The following HAS3 variants were observed in gnomAD, a reference collection of about 807,000 sequenced individuals.
HAS3 encodes HA synthase 3.
Under a neutral mutation model 50.3 loss-of-function variants are expected in HAS3, and 27 were observed. The ratio of observed to expected loss-of-function variants is 0.54; its 90% confidence interval spans 0.40 to 0.74. The LOEUF (loss-of-function observed/expected upper bound fraction) is 0.74, where lower values mean the gene tolerates loss of function less well. Among genes scored for constraint, HAS3 ranks in the 30% least tolerant of loss-of-function variants. The probability of loss-of-function intolerance (pLI) is 0.00; values close to 1 mark genes in which losing one functional copy is unlikely to be tolerated. For synonymous variants in HAS3, 339 were observed against 310.9 expected, an observed-to-expected ratio of 1.09 and a Z score of -0.95; for missense variants, 517 against 742.8, an observed-to-expected ratio of 0.70 and a Z score of 3.53.
the HAS3 span, among the ~76,000 whole-genome samples, chr16:69,089,772 G>A: frequency 6.6e-6 from 1 of 152,148 alleles, no homozygotes; most frequent in African/African-American, 2.4e-5. Flanking sequence ...ATCCCCTGTT[G>A]TCCTCCCCAG....
At position 69,115,121 on chromosome 16, in the gene HAS3, G is replaced by A. The variant is rs781556727; in HGVS notation, c.1517G>A (p.Ser506Asn). The change falls in exon 4 of 4, where the codon AGT (serine) becomes AAT (asparagine). Residue 506 changes from serine to asparagine, a missense_variant. Transcript: ENST00000569188. ...ACAGCTTATTGCCAGGACCTGTTCA[G>A]TGAGACAGAGCTAGCCTTCCTTGTC... ...AYTAYCQDLF[S>N]ETELAFLVSG... 5.6e-6 allele frequency: 9 copies of A among 1,611,404 alleles called. No homozygotes were observed. The highest frequency in any genetic ancestry group is 1.7e-5 in the Admixed American group (1 of 59,848).
chr16:69,087,207 C>T, the HAS3 span, among the ~76,000 whole-genome samples: 1 of 152,176 alleles, frequency 6.6e-6, no homozygotes, highest in Non-Finnish European at 1.5e-5. Context: ...TTTTCCCCTT[C>T]TAGGCTCTTC....
chr16:69,118,519 T>C, downstream of HAS3: 1 of 1,011,838 alleles, frequency 9.9e-7, no homozygotes, highest in Non-Finnish European at 1.6e-6. Context: ...TGCAGGCCAA[T>C]GTATCCCTGA....
the HAS3 span, among the ~76,000 whole-genome samples, chr16:69,094,980 C>CTTTTT: frequency 1.6e-5 from 2 of 124,932 alleles, no homozygotes; most frequent in African/African-American, 6.2e-5. Context: ...CCATTGTTAA[C>CTTTTT]TTTTTTTTTT....
At chr16:69,111,456 G>T (rs1358342844) in intron 2 of HAS3, among the ~76,000 whole-genome samples, 1 of 152,202 alleles carries the variant, frequency 6.6e-6, no homozygotes, top group Non-Finnish European at 1.5e-5. Flanking sequence ...GCAGGGTGCT[G>T]CCCATCACTT....
chr16:69,109,596 C>A lies in HAS3; in HGVS notation c.201C>A (p.His67Gln), dbSNP rs562196448. The A allele has an allele frequency of 6.2e-7, 1 of 1,612,868 alleles. No homozygotes were observed. The highest frequency in any genetic ancestry group is 8.5e-7 in the Non-Finnish European group (1 of 1,179,946). ...LIQSLFAFLE[H>Q]RRMRRAGQAL... ...AGAGCCTTTTTGCCTTCCTGGAGCA[C>A]CGGCGCATGCGACGTGCCGGCCAGG... Residue 67 changes from histidine to glutamine, a missense_variant, in exon 2 of 4, where the codon CAC becomes CAA. Coordinates refer to ENST00000569188, the MANE Select transcript of HAS3 (RefSeq NM_001199280.2). This position sits in a 1 kb window ranked among gnomAD's most constrained non-coding sequence, Gnocchi z 5.3.
At chr16:69,108,827 C>A (rs989612436) in intron 1 of HAS3, among the ~76,000 whole-genome samples, 2 of 152,144 alleles carry the variant, frequency 1.3e-5, no homozygotes, top group Admixed American at 6.6e-5. Context: ...TTCCCAATGC[C>A]CCTTTGTTTG....
At chr16:69,110,173 C>T in intron 2 of HAS3, 142 bp downstream of exon 2, 7 of 835,588 alleles carry the variant, frequency 8.4e-6, no homozygotes, top group East Asian at 5.4e-5. Flanking sequence ...ACAAGGTGGC[C>T]GGGCGCGGTG....
At position 69,117,325 on chromosome 16, in the gene HAS3, A is replaced by G. The variant is rs1961227495; in HGVS notation, c.*2059A>G. 1 of 985,848 alleles carries G rather than the reference A, an allele frequency of 1.0e-6. No individual in the cohort carries two copies. Among genetic ancestry groups the G allele is most frequent in the Non-Finnish European group, 1.2e-6 (1 of 829,930 alleles). The allele number at this position is 985,848 out of a possible 1,614,324, so 61.1% of individuals were successfully genotyped here. A position where few individuals can be genotyped will look rare whatever the true frequency, so the allele number is the denominator to read the frequency against. ...AGCTCTGCCTTGCACTGTGGTCGTC[A>G]ACTTTCCTCAAATCAAAAACAGGCA... On this transcript the variant is annotated 3_prime_UTR_variant, in exon 4 of 4. Transcript: ENST00000569188.
chr16:69,089,687 A>G, the HAS3 span, among the ~76,000 whole-genome samples: 1 of 152,106 alleles, frequency 6.6e-6, no homozygotes, highest in Non-Finnish European at 1.5e-5. Flanking sequence ...CGCCCTCTGC[A>G]CAGGCTGGCA....
the HAS3 span, among the ~76,000 whole-genome samples, chr16:69,098,413 A>AT: frequency 0.026 from 3,795 of 146,224 alleles, 150 homozygotes; most frequent in African/African-American, 0.086. Flanking sequence ...ATTTATCTTC[A>AT]TTTTTTTTTT....
In HAS3 at chr16:69,116,101, AAAG is replaced by A. The variant is rs1480693234; in HGVS notation, c.*839_*841del. Reference sequence around the variant, plus strand: ...AAGATTAAGCCCCAACATGTTCAGAAAAGAAGTGAAGTCTTGGGTATTTTAACC... The same window carrying A: ...AAGATTAAGCCCCAACATGTTCAGAAAAGTGAAGTCTTGGGTATTTTAACC... On this transcript the variant is annotated 3_prime_UTR_variant, in exon 4 of 4. Coordinates refer to ENST00000569188, the MANE Select transcript of HAS3 (RefSeq NM_001199280.2). The A allele has an allele frequency of 1.0e-6, 1 of 985,440 alleles. No individual in the cohort carries two copies. The highest frequency in any genetic ancestry group is 1.1e-4 in the East Asian group (1 of 8,830). 61.0% of individuals were successfully genotyped at this position (985,440 alleles called of 1,614,324 possible). A position where few individuals can be genotyped will look rare whatever the true frequency, so the allele number is the denominator to read the frequency against.
chr16:69,104,966 G>T (rs1960746637), upstream of HAS3, among the ~76,000 whole-genome samples: 3 of 142,946 alleles, frequency 2.1e-5, no homozygotes, highest in Admixed American at 7.0e-5. Context: ...AGGTGTATTT[G>T]GAAAACAGGT....
At chr16:69,118,644 G>A (rs1457920771), downstream of HAS3, 2 of 697,384 alleles carry the variant, frequency 2.9e-6, no homozygotes, top group African/African-American at 1.8e-5. Context: ...TCAAGGGCAG[G>A]ATTATTCCCA....
In HAS3 at chr16:69,117,576, CTTT is replaced by C. The variant is rs10558208; in HGVS notation, c.*2324_*2326del. 66,724 of 693,716 alleles carry C rather than the reference CTTT, an allele frequency of 0.096. 2,417 individuals are homozygous for C. Among genetic ancestry groups the C allele is most frequent in the African/African-American group, 0.25 (12,280 of 48,716 alleles). The allele number at this position is 693,716 out of a possible 1,614,324, so 43.0% of individuals were successfully genotyped here. On this transcript the variant is annotated 3_prime_UTR_variant, in exon 4 of 4. Coordinates refer to ENST00000569188, the MANE Select transcript of HAS3 (RefSeq NM_001199280.2). ...TTGTAAACATATTTATTTTTACCTG[CTTT>C]TTTTTTTTTTTTTAATTTTCAGGTC...
At position 69,116,414 on chromosome 16, in the gene HAS3, C is replaced by T; in HGVS notation, c.*1148C>T. On this transcript the variant is annotated 3_prime_UTR_variant, in exon 4 of 4. Transcript: ENST00000569188. The stretch of plus-strand genomic sequence containing the variant: ...GCTGCTTGGACGGATTCCTTGGCAG[C>T]CGGGTTAGCATGTGTGACTTTCAGG... The T allele has an allele frequency of 1.0e-6, 1 of 985,790 alleles. No individual in the cohort carries two copies. The highest frequency in any genetic ancestry group is 1.2e-6 in the Non-Finnish European group (1 of 829,862). 61.1% of individuals were successfully genotyped at this position (985,790 alleles called of 1,614,324 possible). A position where few individuals can be genotyped will look rare whatever the true frequency, so the allele number is the denominator to read the frequency against.
chr16:69,108,104 T>TC (rs1960868908), intron 1 of HAS3, among the ~76,000 whole-genome samples: 1 of 152,114 alleles, frequency 6.6e-6, no homozygotes. Flanking sequence ...AACATGGGGT[T>TC]CTCTAGATCA....
In HAS3 at chr16:69,107,853, C is replaced by G. The variant is rs745809008; in HGVS notation, c.1-1543C>G. 6.6e-6 allele frequency among the ~76,000 whole-genome samples: 1 copy of G among 152,228 alleles called. No individual in the cohort carries two copies. Among genetic ancestry groups the G allele is most frequent in the Non-Finnish European group, 1.5e-5 (1 of 68,032 alleles). On this transcript the variant is annotated intron_variant, in intron 1 of 3. Coordinates refer to ENST00000569188, the MANE Select transcript of HAS3 (RefSeq NM_001199280.2). This position sits in a 1 kb window ranked among gnomAD's most constrained non-coding sequence, Gnocchi z 5.5. ...TCCCCGGGACGGTGGGGCAGAGCGCCCGGAGGCCGCGCTTCCCGGAGAGGC... is the reference window on the plus strand; with the variant it reads ...TCCCCGGGACGGTGGGGCAGAGCGCGCGGAGGCCGCGCTTCCCGGAGAGGC...
chr16:69,115,391 AAATC>A lies in HAS3; in HGVS notation c.*126_*129del. On this transcript the variant is annotated 3_prime_UTR_variant, in exon 4 of 4. Transcript: ENST00000569188. Reference sequence around the variant, plus strand: ...TTAGTCTCTTAATGGTCCAAAGGACAAATCTAAAATGCAAAGAACGGTGATGTAG... The same window carrying A: ...TTAGTCTCTTAATGGTCCAAAGGACATAAAATGCAAAGAACGGTGATGTAG... The A allele has an allele frequency of 7.2e-7, 1 of 1,395,552 alleles. No homozygotes were observed. Among genetic ancestry groups the A allele is most frequent in the Non-Finnish European group, 9.3e-7 (1 of 1,079,434 alleles). 86.4% of individuals were successfully genotyped at this position (1,395,552 alleles called of 1,614,324 possible). A position where few individuals can be genotyped will look rare whatever the true frequency, so the allele number is the denominator to read the frequency against.
Sources: gnomAD v4.1 joint callset for allele counts (sites outside exome capture counted in the v4.1 genomes callset) on GRCh38, gnomAD v4.1.1 for gene constraint, Gnocchi (gnomAD v3.1) non-coding constraint, MANE v1.5 for transcripts, NCBI Gene and HGNC (gene_info 2026-07-23, HGNC 2026-07-21) for gene names.